Variants in PPP4R3B observed in about 807,000 individuals in gnomAD.
The protein encoded by PPP4R3B is protein phosphatase 4 regulatory subunit 3B.
In PPP4R3B, 52 loss-of-function variants were observed where a neutral mutation model predicts 95.4. The observed-to-expected ratio is 0.54, with a 90% confidence interval of 0.44 to 0.69. PPP4R3B has a LOEUF of 0.69. Among genes scored for constraint, PPP4R3B ranks in the 30% least tolerant of loss-of-function variants. The pLI is 0.00. For synonymous variants in PPP4R3B, 407 were observed against 343.9 expected (o/e 1.18, Z -2.03); for missense variants, 1,003 against 1,005.9 (o/e 1.00, Z 0.04).
intron 15 of PPP4R3B, among the ~76,000 whole-genome samples, chr2:55,562,994 A>G (rs1407597353): frequency 6.6e-6 from 1 of 152,190 alleles, no homozygotes; most frequent in African/African-American, 2.4e-5. Flanking sequence ...TAGGTGTCCA[A>G]TCCCTTTTAA....
intron 4 of PPP4R3B, among the ~76,000 whole-genome samples, chr2:55,595,148 T>G (rs1224010938): frequency 6.6e-6 from 1 of 151,874 alleles, no homozygotes; most frequent in Admixed American, 6.6e-5. Context: ...TTCAGCTTCC[T>G]GAGTAGCTGG....
At chr2:55,608,353 GA>G (rs1292980729) in intron 2 of PPP4R3B, among the ~76,000 whole-genome samples, 16 of 152,262 alleles carry the variant, frequency 1.1e-4, no homozygotes, top group Admixed American at 4.6e-4. Flanking sequence ...CAAAATACCA[GA>G]AACTAAATGG....
chr2:55,584,162 C>T (rs1392850290), intron 7 of PPP4R3B, among the ~76,000 whole-genome samples: 3 of 151,862 alleles, frequency 2.0e-5, no homozygotes, highest in Admixed American at 6.6e-5. Context: ...AAACAAAAAA[C>T]AAAAAGGAAG....
intron 5 of PPP4R3B, 122 bp downstream of exon 5, chr2:55,588,756 CA>C: frequency 1.8e-6 from 1 of 562,848 alleles, no homozygotes; most frequent in Non-Finnish European, 3.1e-6. Flanking sequence ...AATTTAAATA[CA>C]TACTTTTCAT....
At chr2:55,569,607 G>A (rs1051709156) in intron 12 of PPP4R3B, among the ~76,000 whole-genome samples, 4 of 152,168 alleles carry the variant, frequency 2.6e-5, no homozygotes, top group African/African-American at 9.7e-5. Flanking sequence ...CGGCTGCCAG[G>A]CAGGGAGGAG....
At chr2:55,564,229 T>C (rs1686991905) in intron 15 of PPP4R3B, 84 bp downstream of exon 15, 1 of 1,266,206 alleles carries the variant, frequency 7.9e-7, no homozygotes, top group Admixed American at 3.1e-5. Flanking sequence ...CTTTGTAAAC[T>C]ATAAACAAAC....
At chr2:55,568,907 A>C (rs1367581496) in intron 12 of PPP4R3B, among the ~76,000 whole-genome samples, 1 of 152,030 alleles carries the variant, frequency 6.6e-6, no homozygotes, top group East Asian at 1.9e-4. Flanking sequence ...AATACAGCTA[A>C]AGTGTGGGCA....
chr2:55,563,985 G>A (rs1224293824), intron 15 of PPP4R3B, among the ~76,000 whole-genome samples: 1 of 151,888 alleles, frequency 6.6e-6, no homozygotes, highest in Non-Finnish European at 1.5e-5. Flanking sequence ...TTTCTATGAA[G>A]CTATATGGTC....
At chr2:55,555,520 C>G (rs1685739097) in intron 16 of PPP4R3B, among the ~76,000 whole-genome samples, 2 of 151,990 alleles carry the variant, frequency 1.3e-5, no homozygotes, top group Non-Finnish European at 2.9e-5. Flanking sequence ...TCCTGACGAG[C>G]CTGGCCAACA....
chr2:55,579,407 CTT>C (rs5831371), intron 9 of PPP4R3B, among the ~76,000 whole-genome samples: 1 of 151,712 alleles, frequency 6.6e-6, no homozygotes, highest in Non-Finnish European at 1.5e-5. Flanking sequence ...GCCACATTTT[CTT>C]TTTTTTCTGC....
chr2:55,568,865 T>C (rs1687627734), intron 12 of PPP4R3B, among the ~76,000 whole-genome samples: 1 of 152,132 alleles, frequency 6.6e-6, no homozygotes, highest in Non-Finnish European at 1.5e-5. Context: ...GAGGGAGCTT[T>C]AGAGGCAAAA....
intron 7 of PPP4R3B, among the ~76,000 whole-genome samples, chr2:55,582,797 A>G (rs1481697077): frequency 6.6e-6 from 1 of 152,210 alleles, no homozygotes; most frequent in Non-Finnish European, 1.5e-5. Flanking sequence ...AATTAACCTA[A>G]GATTTTATTA....
intron 3 of PPP4R3B, among the ~76,000 whole-genome samples, chr2:55,601,141 CAAAA>C (rs397871165): frequency 1.3e-4 from 13 of 99,098 alleles, no homozygotes; most frequent in Non-Finnish European, 1.2e-4. Flanking sequence ...GACCATGTCT[CAAAA>C]AAAAAAAAAA....
At chr2:55,589,083 G>A in intron 4 of PPP4R3B, 127 bp from the exon 5 acceptor site, 1 of 603,590 alleles carries the variant, frequency 1.7e-6, no homozygotes, top group Non-Finnish European at 2.8e-6. Flanking sequence ...CTAATATTCT[G>A]GGGTGTATTT....
chr2:55,570,554 A>C (rs1307193831), intron 12 of PPP4R3B, among the ~76,000 whole-genome samples: 1 of 152,200 alleles, frequency 6.6e-6, no homozygotes, highest in Non-Finnish European at 1.5e-5. Flanking sequence ...CTTTATTTTT[A>C]TATGTTGATC....
intron 11 of PPP4R3B, 129 bp from the exon 12 acceptor site, chr2:55,573,906 T>G (rs1477016012): frequency 4.5e-6 from 3 of 669,402 alleles, no homozygotes; most frequent in Non-Finnish European, 6.6e-6. Flanking sequence ...TTTTTTTTTT[T>G]GAGACAAAGT....
chr2:55,607,886 A>G (rs1368030587), intron 2 of PPP4R3B, among the ~76,000 whole-genome samples: 1 of 152,218 alleles, frequency 6.6e-6, no homozygotes, highest in African/African-American at 2.4e-5. Flanking sequence ...CAGCCATCCA[A>G]TGCCTTTTCC....
Position 55,564,401 on chromosome 2 carries a change from T to C in PPP4R3B, c.2172A>G (p.Glu724=), listed in dbSNP as rs1558955597. The change falls in exon 15 of 17, where the codon GAA becomes GAG. Residue 724 remains glutamate (E), a synonymous_variant. Transcript: ENST00000616407. ...CCACTGGTGCCACAACTGCTTTTCC[T>C]TCCTCTTCTTCATCTTCATTAAACC... The part of the protein sequence containing the change: ...EMWFNEDEEE[E]GKAVVAPVEK... The C allele has an allele frequency of 1.2e-6, 2 of 1,613,816 alleles. No individual in the cohort carries two copies. The highest frequency in any genetic ancestry group is 1.7e-6 in the Non-Finnish European group (2 of 1,179,920).
chr2:55,586,641 G>C lies in PPP4R3B; in HGVS notation c.1093C>G (p.Leu365Val), dbSNP rs1289413438. 2 of 1,603,720 alleles carry C rather than the reference G, an allele frequency of 1.2e-6. No individual in the cohort carries two copies. The highest frequency in any genetic ancestry group is 1.3e-5 in the African/African-American group (1 of 74,534). Residue 365 changes from leucine to valine, a missense_variant, in exon 6 of 17, where the codon CTT (leucine) becomes GTT (valine). Transcript: ENST00000616407. ...ACCATTACAATTTCAAGAGCAGGAAGAATTCCCAATTTTGCCAATGTTTTG... is the reference window on the plus strand; with the variant it reads ...ACCATTACAATTTCAAGAGCAGGAACAATTCCCAATTTTGCCAATGTTTTG... ...FFKTLAKLGI[L>V]PALEIVMGMD...
Sources: gnomAD v4.1 joint callset for allele counts (sites outside exome capture counted in the v4.1 genomes callset) on GRCh38, gnomAD v4.1.1 for gene constraint, MANE v1.5 for transcripts, NCBI Gene and HGNC (gene_info 2026-07-23, HGNC 2026-07-21) for gene names.